LDLRAD3: variants seen among roughly 807,000 people sequenced by gnomAD.
LDLRAD3 encodes the protein low-density lipoprotein receptor class A domain-containing protein 3.
A neutral mutation model predicts 29.4 loss-of-function variants in LDLRAD3; 20 were observed. The observed-to-expected ratio is 0.68, with a 90% CI of 0.48 to 0.99. LDLRAD3 has a LOEUF of 0.99. LDLRAD3 is among the 50% of genes least tolerant of loss of function. The pLI is 0.00. For synonymous variants in LDLRAD3, 157 were observed against 192.7 expected (o/e 0.81, Z 1.53); for missense variants, 420 against 454.3 (o/e 0.92, Z 0.69).
intron 4 of LDLRAD3, among the ~76,000 whole-genome samples, chr11:36,165,964 CCCTCCCTCCCTCCCTT>C (rs747463710): frequency 0.04 from 4,663 of 117,076 alleles, 96 homozygotes; most frequent in Middle Eastern, 0.092. Context: ...CTCCCTCCCT[CCCTCCCTCCCTCCCTT>C]CCTTCCTTCC....
rs186943207 is a variant in LDLRAD3 at position 36,141,328 on chromosome 11, T to C, written c.454+42867T>C. Among the ~76,000 whole-genome samples, 264 of 152,298 alleles carry C rather than the reference T, an allele frequency of 1.7e-3. 2 individuals are homozygous for C. Among genetic ancestry groups the C allele is most frequent in the Middle Eastern group, 3.4e-3 (1 of 292 alleles). ...TACACTCTCCATACCTTGAAGTTCATGTTCGTTTGTTTTGTAAAAACTCCC... is the reference window on the plus strand; with the variant it reads ...TACACTCTCCATACCTTGAAGTTCACGTTCGTTTGTTTTGTAAAAACTCCC... On this transcript the variant is annotated intron_variant, in intron 4 of 5. Coordinates refer to ENST00000315571, the MANE Select transcript of LDLRAD3 (RefSeq NM_174902.4).
At chr11:36,137,215 A>T (rs1161086865) in intron 4 of LDLRAD3, among the ~76,000 whole-genome samples, 1 of 152,216 alleles carries the variant, frequency 6.6e-6, no homozygotes. Context: ...TGGATTTGTG[A>T]TGGGACCATT....
chr11:36,129,004 G>T (rs915936653), intron 4 of LDLRAD3, among the ~76,000 whole-genome samples: 1 of 152,244 alleles, frequency 6.6e-6, no homozygotes, highest in African/African-American at 2.4e-5. Flanking sequence ...GAGATGGAGG[G>T]AAATGGACAA....
At chr11:36,166,000 T>TCCTC (rs1483022361) in intron 4 of LDLRAD3, among the ~76,000 whole-genome samples, 1 of 127,054 alleles carries the variant, frequency 7.9e-6, no homozygotes, top group Non-Finnish European at 1.6e-5. Flanking sequence ...CTTCCTTCCT[T>TCCTC]CCTCTATTCC....
At chr11:36,021,290 C>T (rs138658593) in intron 1 of LDLRAD3, among the ~76,000 whole-genome samples, 231 of 152,176 alleles carry the variant, frequency 1.5e-3, no homozygotes, top group Middle Eastern at 3.4e-3. Context: ...GGGAAGATAT[C>T]GCTTGTTTAA....
chr11:35,988,560 T>C (rs952140589), intron 1 of LDLRAD3, among the ~76,000 whole-genome samples: 2 of 152,014 alleles, frequency 1.3e-5, no homozygotes, highest in South Asian at 4.2e-4. Context: ...AGAAGCTCCT[T>C]AGTTAAATTA....
intron 4 of LDLRAD3, among the ~76,000 whole-genome samples, chr11:36,174,533 C>A (rs1053470142): frequency 6.6e-6 from 1 of 152,132 alleles, no homozygotes; most frequent in Non-Finnish European, 1.5e-5. Flanking sequence ...AAACAAACAA[C>A]CCCATCAAAA....
chr11:36,011,580 A>G (rs1393612250), intron 1 of LDLRAD3, among the ~76,000 whole-genome samples: 1 of 152,206 alleles, frequency 6.6e-6, no homozygotes, highest in Non-Finnish European at 1.5e-5. Context: ...AATAATACTG[A>G]TATTATAACC....
At chr11:36,099,196 T>C (rs148600643) in intron 4 of LDLRAD3, among the ~76,000 whole-genome samples, 471 of 152,296 alleles carry the variant, frequency 3.1e-3, no homozygotes, top group African/African-American at 0.011. Context: ...GGGATGCAGC[T>C]GGAGGATGGG....
At chr11:36,114,337 C>T (rs16928420) in intron 4 of LDLRAD3, among the ~76,000 whole-genome samples, 5,423 of 152,220 alleles carry the variant, frequency 0.036, 338 homozygotes, top group African/African-American at 0.12. Flanking sequence ...ATCTGCCTAT[C>T]GGGGCTGAGA....
chr11:36,179,618 A>G (rs1021922482), intron 4 of LDLRAD3, among the ~76,000 whole-genome samples: 1 of 152,192 alleles, frequency 6.6e-6, no homozygotes, highest in Non-Finnish European at 1.5e-5. Flanking sequence ...TCAGTTCCCT[A>G]GTTGTGCAGA....
intron 3 of LDLRAD3, among the ~76,000 whole-genome samples, chr11:36,085,618 A>G (rs1853184596): frequency 6.6e-6 from 1 of 151,422 alleles, no homozygotes; most frequent in Non-Finnish European, 1.5e-5. Context: ...ATTTTTTTAT[A>G]TTTTGGGGGG....
rs187536124 is a variant in LDLRAD3, at chr11:36,050,032, A to G, written c.193+13783A>G. 6.7e-3 allele frequency among the ~76,000 whole-genome samples: 1,019 copies of G among 152,308 alleles called. 9 individuals carry two copies. The highest frequency in any genetic ancestry group is 8.1e-3 in the Non-Finnish European group (552 of 68,026). On this transcript the variant is annotated intron_variant, in intron 2 of 5. Transcript: ENST00000315571. ...TTTACTGACCTCTGAGAGAGAGGTG[A>G]GGAGAATAGACCCGAGAATTTTGTT...
intron 1 of LDLRAD3, chr11:36,010,350 C>T (rs1851939293): frequency 6.5e-6 from 1 of 153,416 alleles, no homozygotes; most frequent in South Asian, 2.0e-4. Context: ...TTTGCCCAGC[C>T]CTTCATAATA....
chr11:36,191,576 C>CTATATATA lies in LDLRAD3; in HGVS notation c.455-35492_455-35485dup, dbSNP rs71310173. On this transcript the variant is annotated intron_variant, in intron 4 of 5. Transcript: ENST00000315571. ...TCTCTCTCTCTCTCTCTCTCTCTCT[C>CTATATATA]TATATATATATATATATATATATAC... 4.2e-3 allele frequency among the ~76,000 whole-genome samples: 224 copies of CTATATATA among 53,328 alleles called. 7 individuals are homozygous for CTATATATA. The highest frequency in any genetic ancestry group is 4.8e-3 in the African/African-American group (58 of 12,070). 35.0% of individuals were successfully genotyped at this position (53,328 alleles called of 152,430 possible).
intron 2 of LDLRAD3, among the ~76,000 whole-genome samples, chr11:36,045,413 C>A (rs189122989): frequency 2.0e-5 from 3 of 152,198 alleles, no homozygotes; most frequent in Non-Finnish European, 4.4e-5. Flanking sequence ...GATATTTATT[C>A]TTTCACAGTT....
chr11:36,032,707 A>G lies in LDLRAD3; in HGVS notation c.47-3396A>G, dbSNP rs544918905. Among the ~76,000 whole-genome samples the G allele has an allele frequency of 3.3e-5, 5 of 152,228 alleles. No homozygotes were observed. The East Asian group carries it at 9.7e-4, about 29-fold the overall frequency. ...TCTCCAGACAGTGCCATATGTTCCC[A>G]GGGGGGCAAAATTGATCCCTGTTGA... On this transcript the variant is annotated intron_variant, in intron 1 of 5. Coordinates refer to ENST00000315571, the MANE Select transcript of LDLRAD3 (RefSeq NM_174902.4).
At chr11:36,151,189 T>C (rs1372453733) in intron 4 of LDLRAD3, among the ~76,000 whole-genome samples, 1 of 152,176 alleles carries the variant, frequency 6.6e-6, no homozygotes. Context: ...TGAATCATGC[T>C]CATATCTGGG....
Position 36,230,637 on chromosome 11 carries a change from T to G in LDLRAD3, c.*1240T>G, listed in dbSNP as rs1165502954. 2 of 152,682 alleles carry G rather than the reference T, an allele frequency of 1.3e-5. No individual in the cohort carries two copies. The highest frequency in any genetic ancestry group is 4.8e-5 in the African/African-American group (2 of 41,460). The allele number at this position is 152,682 out of a possible 1,614,324, so 9.5% of individuals were successfully genotyped here. On this transcript the variant is annotated 3_prime_UTR_variant, in exon 6 of 6. Coordinates refer to ENST00000315571, the MANE Select transcript of LDLRAD3 (RefSeq NM_174902.4). ...GGAGTCAAGATTTTCCATTTGGATC[T>G]ATTTTAAATCTTTTAGAAATGCATT... is the stretch of plus-strand genomic sequence containing the variant.
Sources: allele counts gnomAD v4.1 joint callset (sites outside exome capture counted in the v4.1 genomes callset), GRCh38; gene constraint gnomAD v4.1.1; transcripts MANE v1.5; gene names NCBI Gene and HGNC (gene_info 2026-07-23, HGNC 2026-07-21).